Variants in SLC25A21 observed in about 807,000 individuals in gnomAD.
The protein encoded by SLC25A21 is solute carrier family 25 member 21.
In SLC25A21, 47 loss-of-function variants were observed where a neutral mutation model predicts 43.8. That is an observed-to-expected ratio of 1.07 (90% CI 0.85 to 1.37). The LOEUF (loss-of-function observed/expected upper bound fraction) is 1.37. Ranked by LOEUF, SLC25A21 falls within the 40% of genes most tolerant of loss-of-function variation. SLC25A21 has a pLI of 0.00. For synonymous variants in SLC25A21, 131 were observed against 121.3 expected, an observed-to-expected ratio of 1.08 and a Z score of -0.52; for missense variants, 352 against 350.2, an observed-to-expected ratio of 1.00 and a Z score of -0.04.
At chr14:36,905,488 G>A (rs909732082) in intron 1 of SLC25A21, among the ~76,000 whole-genome samples, 1 of 152,198 alleles carries the variant, frequency 6.6e-6, no homozygotes, top group African/African-American at 2.4e-5. Flanking sequence ...TCCCAAAGCT[G>A]TTGTAATCTT....
At chr14:36,939,266 G>A (rs571589715) in intron 1 of SLC25A21, among the ~76,000 whole-genome samples, 31 of 151,964 alleles carry the variant, frequency 2.0e-4, no homozygotes, top group Non-Finnish European at 3.7e-4. Context: ...CGGGTTGGGG[G>A]AGCAGTTTGT....
chr14:37,047,208 G>T (rs1008713445), intron 1 of SLC25A21, among the ~76,000 whole-genome samples: 1 of 152,178 alleles, frequency 6.6e-6, no homozygotes, highest in African/African-American at 2.4e-5. Flanking sequence ...AATCTGGACA[G>T]CAATTCACGT....
rs1490258215 is a variant in SLC25A21 at position 37,088,671 on chromosome 14, AT to A, written c.70+83609del. Among the ~76,000 whole-genome samples the A allele has an allele frequency of 1.3e-5, 2 of 152,242 alleles. 1 individual carries two copies. The highest frequency in any genetic ancestry group is 2.9e-5 in the Non-Finnish European group (2 of 68,042). On this transcript the variant is annotated intron_variant, in intron 1 of 9. Coordinates refer to ENST00000331299, the MANE Select transcript of SLC25A21 (RefSeq NM_030631.4). ...GCCAGCAGGCTCAGCTCTGACAGTC[AT>A]CCATCAAACTGAAGGTCTCCTTAAT...
intron 1 of SLC25A21, among the ~76,000 whole-genome samples, chr14:37,024,225 G>T (rs1961045799): frequency 2.6e-5 from 4 of 152,028 alleles, no homozygotes; most frequent in Non-Finnish European, 4.4e-5. Flanking sequence ...TTCTCTCCTT[G>T]CATTGTGTTA....
chr14:36,688,093 A>G (rs1256888308), intron 7 of SLC25A21, among the ~76,000 whole-genome samples: 1 of 152,170 alleles, frequency 6.6e-6, no homozygotes, highest in African/African-American at 2.4e-5. Flanking sequence ...TTACTCAAAT[A>G]TACCAAGCAC....
intron 1 of SLC25A21, among the ~76,000 whole-genome samples, chr14:37,146,323 G>C (rs1388029203): frequency 1.3e-5 from 2 of 152,048 alleles, no homozygotes; most frequent in East Asian, 3.9e-4. Flanking sequence ...ATGGCTCCAT[G>C]CAGCCTTGAT....
chr14:37,144,786 T>G (rs9888580), intron 1 of SLC25A21, among the ~76,000 whole-genome samples: 1 of 8,222 alleles, frequency 1.2e-4, no homozygotes, highest in East Asian at 0.036. Flanking sequence ...TGTTTTGGGT[T>G]TTTTTTTTTG....
chr14:36,856,241 G>C (rs539712234), intron 2 of SLC25A21, among the ~76,000 whole-genome samples: 1 of 152,254 alleles, frequency 6.6e-6, no homozygotes, highest in Admixed American at 6.5e-5. Flanking sequence ...TTGTTGGTCC[G>C]TAAAGGAAGT....
chr14:37,075,012 T>C (rs867103426), intron 1 of SLC25A21, among the ~76,000 whole-genome samples: 2 of 152,150 alleles, frequency 1.3e-5, no homozygotes, highest in African/African-American at 4.8e-5. Flanking sequence ...GTTAATTACA[T>C]GGACCCTGTG....
chr14:36,736,836 CTT>C (rs773546219), intron 3 of SLC25A21, among the ~76,000 whole-genome samples: 4 of 152,204 alleles, frequency 2.6e-5, no homozygotes, highest in Non-Finnish European at 4.4e-5. Context: ...ACACTTTTCT[CTT>C]TGTTTCCAGG....
rs545567000 is a variant in SLC25A21 at position 37,059,878 on chromosome 14, C to G, written c.70+112403G>C. ...TCCAAACCTGGAAACAACTAACAAG[C>G]TCCACTCCAGCAGAGGGCTGAGTAG... On this transcript the variant is annotated intron_variant, in intron 1 of 9. Coordinates refer to ENST00000331299, the MANE Select transcript of SLC25A21 (RefSeq NM_030631.4). Among the ~76,000 whole-genome samples the G allele has an allele frequency of 2.6e-5, 4 of 152,276 alleles. No individual in the cohort carries two copies. In the South Asian group the frequency reaches 8.3e-4, roughly 32 times the overall value.
At chr14:36,700,104 T>A (rs752644530) in intron 7 of SLC25A21, among the ~76,000 whole-genome samples, 6 of 152,126 alleles carry the variant, frequency 3.9e-5, no homozygotes, top group Non-Finnish European at 8.8e-5. Flanking sequence ...TCCACCAAAA[T>A]TTAATACAAT....
At chr14:36,789,774 C>CATATTTATATTTAATAT (rs1887384591) in intron 3 of SLC25A21, among the ~76,000 whole-genome samples, 1 of 66,210 alleles carries the variant, frequency 1.5e-5, no homozygotes, top group Non-Finnish European at 2.6e-5. Flanking sequence ...ATATATAATA[C>CATATTTATATTTAATAT]ATTTTATATA....
intron 1 of SLC25A21, among the ~76,000 whole-genome samples, chr14:37,156,952 A>C (rs1963861371): frequency 6.6e-6 from 1 of 152,246 alleles, no homozygotes; most frequent in Non-Finnish European, 1.5e-5. Context: ...TTTACAAAAC[A>C]TTATATCCAA....
chr14:36,722,952 C>T (rs1277566540), intron 6 of SLC25A21, among the ~76,000 whole-genome samples: 2 of 152,108 alleles, frequency 1.3e-5, no homozygotes, highest in African/African-American at 4.8e-5. Context: ...ACTTAACAAC[C>T]CACAAAGCCT....
intron 1 of SLC25A21, among the ~76,000 whole-genome samples, chr14:37,069,178 A>C (rs1479443702): frequency 6.6e-6 from 1 of 151,930 alleles, no homozygotes; most frequent in African/African-American, 2.4e-5. Context: ...CTCCATCTCA[A>C]AGAAAAAAAA....
At position 36,733,761 on chromosome 14, in the gene SLC25A21, G is replaced by C. The variant is rs1884923521; in HGVS notation, c.270+746C>G. Among the ~76,000 whole-genome samples the C allele has an allele frequency of 2.0e-5, 3 of 152,164 alleles. No individual in the cohort carries two copies. In the South Asian group the frequency reaches 6.2e-4, roughly 32 times the overall value. On this transcript the variant is annotated intron_variant, in intron 4 of 9. Coordinates refer to ENST00000331299, the MANE Select transcript of SLC25A21 (RefSeq NM_030631.4). ...AGCCTTATTTGGTGATGTCAGTGGT[G>C]CGGGGGAGGGGAGCAATGCCTGTCA... is the stretch of plus-strand genomic sequence containing the variant.
At chr14:37,014,229 T>G (rs1960796440) in intron 1 of SLC25A21, among the ~76,000 whole-genome samples, 1 of 152,132 alleles carries the variant, frequency 6.6e-6, no homozygotes, top group Non-Finnish European at 1.5e-5. Flanking sequence ...TTTCTATAGA[T>G]TTTTCTATTT....
chr14:36,999,852 G>A (rs141126757), intron 1 of SLC25A21, among the ~76,000 whole-genome samples: 24 of 152,170 alleles, frequency 1.6e-4, no homozygotes, highest in South Asian at 6.2e-4. Context: ...CAATGCTTAC[G>A]TATTATTTAT....
Sources: gnomAD v4.1 joint callset for allele counts (sites outside exome capture counted in the v4.1 genomes callset) on GRCh38, gnomAD v4.1.1 for gene constraint, MANE v1.5 for transcripts, NCBI Gene and HGNC (gene_info 2026-07-23, HGNC 2026-07-21) for gene names.